The following ANKRD24 variants were observed in gnomAD, a reference collection of about 807,000 sequenced individuals.
ANKRD24 encodes the protein ankyrin repeat domain 24.
In ANKRD24, 109 loss-of-function variants were observed where a neutral mutation model predicts 127.8. The observed-to-expected ratio is 0.85, with a 90% CI of 0.73 to 1.00. ANKRD24 has a LOEUF of 1.00. Ranked by LOEUF, ANKRD24 falls within the 50% of genes least tolerant of loss-of-function variation. The pLI, the probability that ANKRD24 is intolerant of heterozygous loss-of-function variation, is 0.00. For synonymous variants in ANKRD24, 743 were observed against 671.1 expected, an observed-to-expected ratio of 1.11 and a Z score of -1.66; for missense variants, 1,648 against 1,570.2, an observed-to-expected ratio of 1.05 and a Z score of -0.84.
chr19:4,184,009 A>G (rs555173717), intron 1 of ANKRD24, among the ~76,000 whole-genome samples: 2 of 152,350 alleles, frequency 1.3e-5, no homozygotes, highest in South Asian at 4.1e-4. Context: ...GGGAACAGCA[A>G]GTGCAAAGGC....
rs1599462818 is a variant in ANKRD24, at chr19:4,217,477, G to A, written c.2317G>A (p.Gly773Ser). ...GCGAGAGCGTGTCCGCGAGGCCGAGGGCAGCGGGGCCAGCGGGGGCGGTGG... is the reference window on the plus strand; with the variant it reads ...GCGAGAGCGTGTCCGCGAGGCCGAGAGCAGCGGGGCCAGCGGGGGCGGTGG... ...RLRERVREAE[G>S]SGASGGGGGD... Residue 773 changes from glycine (G) to serine (S), a missense_variant, in exon 18 of 22, where the codon GGC (glycine) becomes AGC (serine). Physicochemically the swap from Gly to Ser is moderately conservative, Grantham distance 56. Transcript: ENST00000318934. The A allele has an allele frequency of 1.4e-6, 2 of 1,440,668 alleles. No individual in the cohort carries two copies. The highest frequency in any genetic ancestry group is 1.8e-6 in the Non-Finnish European group (2 of 1,101,764). The allele number at this position is 1,440,668 out of a possible 1,614,324, so 89.2% of individuals were successfully genotyped here.
At chr19:4,213,708 G>C (rs979941555) in intron 15 of ANKRD24, among the ~76,000 whole-genome samples, 1 of 152,112 alleles carries the variant, frequency 6.6e-6, no homozygotes, top group South Asian at 2.1e-4. Context: ...TCAGCTCGCT[G>C]CAACCTCCGC....
chr19:4,199,774 G>T lies in ANKRD24; in HGVS notation c.123+5G>T. 1 of 1,536,054 alleles carries T rather than the reference G, an allele frequency of 6.5e-7. No homozygotes were observed. Among genetic ancestry groups the T allele is most frequent in the African/African-American group, 1.4e-5 (1 of 72,970 alleles). ...GCAGCCAGAGGCAGGCGCCAGGCAA[G>T]TGCCCAGGGGCAGGTGGTGAGAGCC... On this transcript the variant is annotated splice_donor_5th_base_variant and intron_variant, in intron 3 of 21. Transcript: ENST00000318934. The surrounding 1 kb of genome is among the most constrained non-coding windows in gnomAD (Gnocchi z 5.2).
At chr19:4,187,056 G>T (rs745313006) in intron 2 of ANKRD24, among the ~76,000 whole-genome samples, 4 of 152,200 alleles carry the variant, frequency 2.6e-5, no homozygotes, top group Non-Finnish European at 5.9e-5. Flanking sequence ...GGTGGCTGCA[G>T]TTTTAAAGAG....
chr19:4,193,870 A>AGGAT (rs1968544620), intron 2 of ANKRD24, among the ~76,000 whole-genome samples: 1 of 129,020 alleles, frequency 7.8e-6, no homozygotes, highest in Non-Finnish European at 1.7e-5. Context: ...GAAGGAAGGA[A>AGGAT]GGAAGGAAGG....
chr19:4,217,624 C>G lies in ANKRD24; in HGVS notation c.2464C>G (p.Arg822Gly), dbSNP rs1383713036. ...SACLDEARAS[R>G]LLAEEEARGL... ...CTGCCTGGATGAGGCTCGGGCCAGCCGGCTGCTGGCGGAGGAGGAGGCGCG... is the reference window on the plus strand; with the variant it reads ...CTGCCTGGATGAGGCTCGGGCCAGCGGGCTGCTGGCGGAGGAGGAGGCGCG... Residue 822 changes from arginine to glycine, a missense_variant, in exon 18 of 22, where the codon CGG (arginine) becomes GGG (glycine). Arg to Gly is a moderately radical substitution (Grantham distance 125). Coordinates refer to ENST00000318934, the MANE Select transcript of ANKRD24 (RefSeq NM_001393985.1). 1.6e-5 allele frequency: 20 copies of G among 1,285,884 alleles called. No individual in the cohort carries two copies. Among genetic ancestry groups the G allele is most frequent in the Non-Finnish European group, 1.9e-5 (19 of 1,020,018 alleles). 79.7% of individuals were successfully genotyped at this position (1,285,884 alleles called of 1,614,324 possible).
chr19:4,223,401 A>T (rs8112352), intron 20 of ANKRD24, among the ~76,000 whole-genome samples: 9,755 of 53,078 alleles, frequency 0.18, 1,392 homozygotes, highest in African/African-American at 0.29. Flanking sequence ...ATATATATAT[A>T]TTTTTTTTTT....
chr19:4,215,870 T>C, intron 15 of ANKRD24, 108 bp from the exon 16 acceptor site: 1 of 810,790 alleles, frequency 1.2e-6, no homozygotes, highest in Admixed American at 2.6e-5. Flanking sequence ...CTGGTGCTCG[T>C]GGGAGACATA....
rs776373172 is a variant in ANKRD24 at position 4,217,072 on chromosome 19, A to C, written c.1912A>C (p.Met638Leu). 15 of 1,613,826 alleles carry C rather than the reference A, an allele frequency of 9.3e-6. No homozygotes were observed. The highest frequency in any genetic ancestry group is 5.5e-5 in the South Asian group (5 of 91,084). ...TDTETTGVEA[M>L]GVEATKTKAE... ...CACAGAGACCACGGGAGTGGAGGCC[A>C]TGGGGGTGGAGGCCACAAAAACAAA... The change falls in exon 18 of 22, where the codon ATG (methionine) becomes CTG (leucine). Residue 638 changes from methionine to leucine, a missense_variant. By Grantham distance (15) the Met-to-Leu change is conservative (BLOSUM62 2). Coordinates refer to ENST00000318934, the MANE Select transcript of ANKRD24 (RefSeq NM_001393985.1).
rs1279765491 is a variant in ANKRD24, at chr19:4,217,327, G to A, written c.2167G>A (p.Val723Ile). The A allele has an allele frequency of 2.6e-6, 4 of 1,551,886 alleles. No individual in the cohort carries two copies. In the South Asian group the frequency reaches 4.8e-5, roughly 18 times the overall value. ...GAAEASEKLQ[V>I]ELETRIRGLE... Reference sequence around the variant, plus strand: ...CGCAGAGGCCTCGGAAAAGCTTCAAGTAGAGCTGGAGACCAGGATCCGTGG... The same window carrying A: ...CGCAGAGGCCTCGGAAAAGCTTCAAATAGAGCTGGAGACCAGGATCCGTGG... Residue 723 changes from valine to isoleucine, a missense_variant, in exon 18 of 22, where the codon GTA becomes ATA. Physicochemically the swap from Val to Ile is conservative, Grantham distance 29. Transcript: ENST00000318934.
chr19:4,217,411 C>G lies in ANKRD24; in HGVS notation c.2251C>G (p.Leu751Val). 1.9e-6 allele frequency: 3 copies of G among 1,548,768 alleles called. No homozygotes were observed. The highest frequency in any genetic ancestry group is 2.6e-6 in the Non-Finnish European group (3 of 1,146,450). The part of the protein sequence containing the change: ...REAAAELEAA[L>V]GKCEAAEAEA... ...GGCAGCTGCGGAGCTGGAGGCGGCC[C>G]TGGGGAAGTGCGAGGCCGCGGAGGC... Residue 751 changes from leucine (L) to valine (V), a missense_variant, in exon 18 of 22, where the codon CTG (leucine) becomes GTG (valine). By Grantham distance (32) the Leu-to-Val change is conservative. Transcript: ENST00000318934.
At position 4,216,541 on chromosome 19, in the gene ANKRD24, A is replaced by G; in HGVS notation, c.1390-9A>G. On this transcript the variant is annotated splice_polypyrimidine_tract_variant and intron_variant, in intron 17 of 21. Coordinates refer to ENST00000318934, the MANE Select transcript of ANKRD24 (RefSeq NM_001393985.1). ...CTGCCAGACTCCTGCCCCCCACTCCACTCCCCAGATCCTGGAGAACTTTGA... is the reference window on the plus strand; with the variant it reads ...CTGCCAGACTCCTGCCCCCCACTCCGCTCCCCAGATCCTGGAGAACTTTGA... The G allele has an allele frequency of 6.3e-7, 1 of 1,598,292 alleles. No homozygotes were observed.
chr19:4,219,641 A>ACAGCTGGCCACAGCAGAGCAG lies in ANKRD24; in HGVS notation c.3060_3080dup (p.Ala1021_Leu1027dup). The stretch of plus-strand genomic sequence containing the variant: ...AGAGTGAGCGACACGCAGCCGAGGC[A>ACAGCTGGCCACAGCAGAGCAG]CAGCTGGCCACAGCAGAGCAGCAGC... On this transcript the variant is annotated inframe_insertion, in exon 19 of 22. Coordinates refer to ENST00000318934, the MANE Select transcript of ANKRD24 (RefSeq NM_001393985.1). 6.2e-7 allele frequency: 1 copy of ACAGCTGGCCACAGCAGAGCAG among 1,613,796 alleles called. No individual in the cohort carries two copies. The highest frequency in any genetic ancestry group is 8.5e-7 in the Non-Finnish European group (1 of 1,179,746).
At position 4,224,470 on chromosome 19, in the gene ANKRD24, C is replaced by G. The variant is rs1411926843; in HGVS notation, c.3406C>G (p.Leu1136Val). Residue 1136 changes from leucine to valine, a missense_variant, in exon 22 of 22, where the codon CTG becomes GTG. By Grantham distance (32) the Leu-to-Val change is conservative. Coordinates refer to ENST00000318934, the MANE Select transcript of ANKRD24 (RefSeq NM_001393985.1). ...EDVQRILSQI[L>V]QMQRLQAQGR is the part of the protein sequence containing the mutation. ...TGTGCAGCGGATTCTCAGCCAGATT[C>G]TGCAGATGCAGAGACTCCAGGCTCA... The G allele has an allele frequency of 6.2e-7, 1 of 1,612,768 alleles. No homozygotes were observed. The highest frequency in any genetic ancestry group is 1.3e-5 in the African/African-American group (1 of 74,966).
At chr19:4,183,453 CG>C in intron 1 of ANKRD24, 1 of 636,372 alleles carries the variant, frequency 1.6e-6, no homozygotes, top group Non-Finnish European at 2.0e-6. Flanking sequence ...CTGGTGGCTG[CG>C]GGTGGACACA....
At position 4,219,877 on chromosome 19, in the gene ANKRD24, A is replaced by G; in HGVS notation, c.3171+119A>G. 2.5e-6 allele frequency: 3 copies of G among 1,218,244 alleles called. No homozygotes were observed. The South Asian group carries it at 6.1e-5, about 25-fold the overall frequency. 75.5% of individuals were successfully genotyped at this position (1,218,244 alleles called of 1,614,324 possible). A position where few individuals can be genotyped will look rare whatever the true frequency, so the allele number is the denominator to read the frequency against. On this transcript the variant is annotated intron_variant, in intron 19 of 21. Coordinates refer to ENST00000318934, the MANE Select transcript of ANKRD24 (RefSeq NM_001393985.1). ...AAAATCAACCCATTTTCCAGAAGGG[A>G]AACTGAGGCTCAGAAACGGAAGGGG...
chr19:4,187,832 C>T (rs943945536), intron 2 of ANKRD24, among the ~76,000 whole-genome samples: 3 of 152,150 alleles, frequency 2.0e-5, no homozygotes, highest in African/African-American at 7.2e-5. Context: ...GGCACCGGAG[C>T]AGAGCCTGGA....
intron 20 of ANKRD24, among the ~76,000 whole-genome samples, chr19:4,223,401 A>ATATATATATATATATTT (rs1192232980): frequency 1.9e-5 from 1 of 53,344 alleles, no homozygotes; most frequent in African/African-American, 9.5e-5. Context: ...ATATATATAT[A>ATATATATATATATATTT]TTTTTTTTTT....
At chr19:4,219,015 G>A (rs1055798127) in intron 18 of ANKRD24, among the ~76,000 whole-genome samples, 3 of 152,272 alleles carry the variant, frequency 2.0e-5, no homozygotes, top group African/African-American at 2.4e-5. Context: ...GCCGGGCACC[G>A]TGGCTCACGC....
Sources: gnomAD v4.1 joint callset for allele counts (sites outside exome capture counted in the v4.1 genomes callset) on GRCh38, gnomAD v4.1.1 for gene constraint, Gnocchi (gnomAD v3.1) non-coding constraint, MANE v1.5 for transcripts, NCBI Gene and HGNC (gene_info 2026-07-23, HGNC 2026-07-21) for gene names.